The following MAPK8 variants were observed in gnomAD, a reference collection of about 807,000 sequenced individuals.
MAPK8 encodes mitogen-activated protein kinase 8.
Under a neutral mutation model 52.9 loss-of-function variants are expected in MAPK8, and 13 were observed. The ratio of observed to expected loss-of-function variants is 0.25; its 90% CI spans 0.16 to 0.39. The LOEUF (loss-of-function observed/expected upper bound fraction) is 0.39. Among genes scored for constraint, MAPK8 ranks in the 10% least tolerant of loss-of-function variants. MAPK8 has a pLI of 1.00. For missense variants in MAPK8, 300 were observed against 519.2 expected (o/e 0.58, Z 4.10); for synonymous variants, 191 against 169.8 (o/e 1.12, Z -0.97).
chr10:48,330,305 AAACTTT>A (rs1844007999), intron 1 of MAPK8, among the ~76,000 whole-genome samples: 1 of 152,216 alleles, frequency 6.6e-6, no homozygotes, highest in Non-Finnish European at 1.5e-5. Context: ...AAGGAGTTTT[AAACTTT>A]AACTTAATAG....
At chr10:48,390,351 C>T (rs546704756) in intron 1 of MAPK8, among the ~76,000 whole-genome samples, 1 of 152,256 alleles carries the variant, frequency 6.6e-6, no homozygotes, top group South Asian at 2.1e-4. Context: ...ACCCTGTGTC[C>T]TAGGCAAGTT....
At chr10:48,319,550 C>T (rs766671607) in intron 1 of MAPK8, among the ~76,000 whole-genome samples, 3 of 152,056 alleles carry the variant, frequency 2.0e-5, no homozygotes, top group Admixed American at 1.3e-4. Context: ...AGTGCAGTGG[C>T]GTGATCCCGG....
chr10:48,353,936 A>G (rs1358972126), intron 1 of MAPK8, among the ~76,000 whole-genome samples: 1 of 152,180 alleles, frequency 6.6e-6, no homozygotes, highest in Non-Finnish European at 1.5e-5. Context: ...TGGCGATGGA[A>G]CAGTTTTGTA....
At position 48,435,910 on chromosome 10, in the gene MAPK8, G is replaced by A. The variant is rs1160196229; in HGVS notation, c.*881G>A. Reference sequence around the variant, plus strand: ...ATGAGCCTGTTTTTGTATACACTGAGTTAATCTACTCAGGCTGTAGGTCCC... The same window carrying A: ...ATGAGCCTGTTTTTGTATACACTGAATTAATCTACTCAGGCTGTAGGTCCC... On this transcript the variant is annotated 3_prime_UTR_variant, in exon 12 of 12. Transcript: ENST00000374189. The A allele has an allele frequency of 2.6e-5, 4 of 152,212 alleles. No individual in the cohort carries two copies. Among genetic ancestry groups the A allele is most frequent in the African/African-American group, 9.7e-5 (4 of 41,440 alleles). The allele number at this position is 152,212 out of a possible 1,614,324, so 9.4% of individuals were successfully genotyped here. A position where few individuals can be genotyped will look rare whatever the true frequency, so the allele number is the denominator to read the frequency against.
chr10:48,376,037 A>G (rs547339558), intron 1 of MAPK8, among the ~76,000 whole-genome samples: 1 of 152,336 alleles, frequency 6.6e-6, no homozygotes, highest in South Asian at 2.1e-4. Flanking sequence ...ATACCAAAAC[A>G]GATATATAGA....
At chr10:48,433,472 T>C (rs146266256) in intron 11 of MAPK8, among the ~76,000 whole-genome samples, 106 of 152,288 alleles carry the variant, frequency 7.0e-4, no homozygotes, top group African/African-American at 2.4e-3. Context: ...AAATAGAATA[T>C]ACTATCTGAA....
chr10:48,420,688 T>C lies in MAPK8; in HGVS notation c.616+368T>C, dbSNP rs898640983. On this transcript the variant is annotated intron_variant, in intron 6 of 11. Transcript: ENST00000374189. ...TTATTATTAGTGTACATCAGTGATA[T>C]TTGCCTATATTTCCAACCCCATGAA... Among the ~76,000 whole-genome samples, 12 of 152,300 alleles carry C rather than the reference T, an allele frequency of 7.9e-5. No homozygotes were observed. The East Asian group carries it at 2.3e-3, about 29-fold the overall frequency.
At chr10:48,349,738 A>G (rs1564515721) in intron 1 of MAPK8, among the ~76,000 whole-genome samples, 1 of 152,214 alleles carries the variant, frequency 6.6e-6, no homozygotes, top group Non-Finnish European at 1.5e-5. Context: ...AACAAGTTCA[A>G]AAGCTAGCAG....
intron 2 of MAPK8, among the ~76,000 whole-genome samples, chr10:48,403,976 G>A (rs1458768206): frequency 7.2e-6 from 1 of 138,090 alleles, no homozygotes; most frequent in Non-Finnish European, 1.5e-5. Flanking sequence ...GTAGAGACAG[G>A]GTTTCACCAT....
intron 1 of MAPK8, among the ~76,000 whole-genome samples, chr10:48,316,852 A>G (rs1028840884): frequency 3.9e-5 from 6 of 152,202 alleles, no homozygotes; most frequent in Non-Finnish European, 8.8e-5. Context: ...GCAGTTTTCT[A>G]CTGAAGGACG....
intron 1 of MAPK8, among the ~76,000 whole-genome samples, chr10:48,337,698 T>TAA (rs1564499216): frequency 1.3e-5 from 2 of 152,068 alleles, no homozygotes; most frequent in African/African-American, 4.8e-5. Flanking sequence ...ACAAAATTGA[T>TAA]AGACTGCCAG....
chr10:48,324,503 G>GTTTTTTGTTTTTTT (rs1843292185), intron 1 of MAPK8, among the ~76,000 whole-genome samples: 1 of 118,020 alleles, frequency 8.5e-6, no homozygotes, highest in African/African-American at 3.6e-5. Context: ...CTGTTTTCTA[G>GTTTTTTGTTTTTTT]TTTTTTTTTT....
chr10:48,359,660 T>A (rs1385796936), intron 1 of MAPK8, among the ~76,000 whole-genome samples: 1 of 152,132 alleles, frequency 6.6e-6, no homozygotes, highest in Non-Finnish European at 1.5e-5. Flanking sequence ...CCATTGCAGA[T>A]CACTAAGGAA....
chr10:48,410,241 T>C (rs760732683), intron 5 of MAPK8, 73 bp downstream of exon 5: 120 of 1,346,364 alleles, frequency 8.9e-5, no homozygotes, highest in Non-Finnish European at 1.1e-4. Context: ...AAATTAACCA[T>C]TCTAAAGTGG....
intron 5 of MAPK8, among the ~76,000 whole-genome samples, chr10:48,416,023 C>T (rs958727733): frequency 3.9e-5 from 6 of 152,120 alleles, no homozygotes; most frequent in Non-Finnish European, 5.9e-5. Flanking sequence ...AGTGGGGATA[C>T]GCATTTAAGT....
intron 1 of MAPK8, among the ~76,000 whole-genome samples, chr10:48,343,899 C>T (rs1176890990): frequency 6.6e-6 from 1 of 152,152 alleles, no homozygotes; most frequent in Non-Finnish European, 1.5e-5. Context: ...TTACTTTGTC[C>T]ATTTGCACTT....
chr10:48,370,462 A>G (rs1282046713), intron 1 of MAPK8, among the ~76,000 whole-genome samples: 1 of 152,156 alleles, frequency 6.6e-6, no homozygotes, highest in African/African-American at 2.4e-5. Flanking sequence ...TAAGATATTG[A>G]CATGATGGTG....
At position 48,434,899 on chromosome 10, in the gene MAPK8, A is replaced by C. The variant is rs780052742; in HGVS notation, c.1154A>C (p.Asn385Thr). The change falls in exon 12 of 12, where the codon AAT (asparagine) becomes ACT (threonine). Residue 385 changes from asparagine to threonine, a missense_variant. By Grantham distance (65) the Asn-to-Thr change is moderately conservative. This residue lies in a region of MAPK8 where 119 missense variants were observed against 154.4 expected (regional missense o/e 0.77). Transcript: ENST00000374189. Reference protein sequence around the residue: ...QPSPLGAAVINGSQHPSSSSS... With the variant: ...QPSPLGAAVITGSQHPSSSSS... ...CATAGCACAGGTGCAGCAGTGATCA[A>C]TGGCTCTCAGCATCCATCATCATCG... 1 of 1,613,500 alleles carries C rather than the reference A, an allele frequency of 6.2e-7. No homozygotes were observed. Among genetic ancestry groups the C allele is most frequent in the East Asian group, 2.2e-5 (1 of 44,838 alleles).
At chr10:48,411,773 C>T (rs2042760800) in intron 5 of MAPK8, among the ~76,000 whole-genome samples, 2 of 151,928 alleles carry the variant, frequency 1.3e-5, no homozygotes, top group South Asian at 4.2e-4. Flanking sequence ...TTCCTTCCTT[C>T]TCTTCTTTTT....
Sources: gnomAD v4.1 joint callset for allele counts (sites outside exome capture counted in the v4.1 genomes callset) on GRCh38, gnomAD v4.1.1 for gene constraint, gnomAD v4.1.1 regional missense constraint, MANE v1.5 for transcripts, NCBI Gene and HGNC (gene_info 2026-07-23, HGNC 2026-07-21) for gene names.